The following TOPBP1 variants were observed in gnomAD, a reference collection of about 807,000 sequenced individuals.
TOPBP1 encodes the protein DNA topoisomerase II binding protein 1.
A neutral mutation model predicts 167.7 loss-of-function variants in TOPBP1; 28 were observed. The observed-to-expected ratio is 0.17, with a 90% CI of 0.12 to 0.23. TOPBP1 has a LOEUF of 0.23. TOPBP1 is among the 10% of genes least tolerant of loss of function. TOPBP1 has a pLI of 1.00. For synonymous variants in TOPBP1, 598 were observed against 611.4 expected (o/e 0.98, Z 0.32); for missense variants, 1,554 against 1,809.6 (o/e 0.86, Z 2.56).
chr3:133,653,473 T>C lies in TOPBP1; in HGVS notation c.794A>G (p.Gln265Arg), dbSNP rs1936369530. The change falls in exon 7 of 28, where the codon CAG becomes CGG. Residue 265 changes from glutamine (Q) to arginine (R), a missense_variant. This residue lies in a region of TOPBP1 where 1,197 missense variants were observed against 1,351.5 expected (regional missense o/e 0.89). Coordinates refer to ENST00000260810, the MANE Select transcript of TOPBP1 (RefSeq NM_007027.4). Reference sequence around the variant, plus strand: ...TTTCTCAATACTGTCAAAAAACCACTGTGTGGTCACACAGTGTACATTCCA... The same window carrying C: ...TTTCTCAATACTGTCAAAAAACCACCGTGTGGTCACACAGTGTACATTCCA... ...KRWNVHCVTT[Q>R]WFFDSIEKGF... 1.2e-6 allele frequency: 2 copies of C among 1,612,778 alleles called. No individual in the cohort carries two copies. The highest frequency in any genetic ancestry group is 1.7e-5 in the Admixed American group (1 of 59,764).
At chr3:133,610,683 G>T (rs1306409428) in intron 25 of TOPBP1, among the ~76,000 whole-genome samples, 3 of 150,954 alleles carry the variant, frequency 2.0e-5, no homozygotes, top group Admixed American at 2.0e-4. Context: ...TCAATTAGAG[G>T]TTAGTAAAAA....
At chr3:133,639,403 T>A (rs144673979) in intron 13 of TOPBP1, among the ~76,000 whole-genome samples, 1 of 151,960 alleles carries the variant, frequency 6.6e-6, no homozygotes, top group African/African-American at 2.4e-5. Flanking sequence ...TAGATGGGAA[T>A]TGAACAGACA....
At position 133,618,279 on chromosome 3, in the gene TOPBP1, C is replaced by G; in HGVS notation, c.3526G>C (p.Asp1176His). ...CPTQYSELQV[D>H]IQNLEDSPFQ... ...GGAGAATCCTCCAAGTTTTGAATGT[C>G]AACCTGAAGCTCAGAGTATTGTGTG... Residue 1176 changes from aspartate (D) to histidine (H), a missense_variant, in exon 21 of 28, where the codon GAC becomes CAC. By Grantham distance (81) the Asp-to-His change is moderately conservative (BLOSUM62 -1). Transcript: ENST00000260810. 1 of 1,613,966 alleles carries G rather than the reference C, an allele frequency of 6.2e-7. No individual in the cohort carries two copies. Among genetic ancestry groups the G allele is most frequent in the Non-Finnish European group, 8.5e-7 (1 of 1,179,868 alleles).
rs1278947353 is a variant in TOPBP1 at position 133,661,919 on chromosome 3, A to G, written c.-158T>C. The G allele has an allele frequency of 2.6e-5, 4 of 152,354 alleles. No homozygotes were observed. Among genetic ancestry groups the G allele is most frequent in the African/African-American group, 9.6e-5 (4 of 41,588 alleles). 9.4% of individuals were successfully genotyped at this position (152,354 alleles called of 1,614,324 possible). On this transcript the variant is annotated 5_prime_UTR_variant, in exon 1 of 28. Transcript: ENST00000260810. ...AAAGCAAACGCTGGAGAACCCGGAA[A>G]TTGCCCAGAACGGGAACCGACTTTC... is the stretch of plus-strand genomic sequence containing the variant.
chr3:133,615,074 CTTT>C (rs397874247), intron 23 of TOPBP1, among the ~76,000 whole-genome samples: 1 of 144,130 alleles, frequency 6.9e-6, no homozygotes, highest in African/African-American at 2.5e-5. Context: ...TGACATAAAT[CTTT>C]TTTTTTTTTT....
At chr3:133,624,935 A>C (rs1466844924) in intron 16 of TOPBP1, among the ~76,000 whole-genome samples, 1 of 152,178 alleles carries the variant, frequency 6.6e-6, no homozygotes, top group African/African-American at 2.4e-5. Flanking sequence ...TAACTATTAT[A>C]TTATGCTATG....
chr3:133,643,109 C>A, intron 12 of TOPBP1, 91 bp downstream of exon 12: 1 of 1,290,728 alleles, frequency 7.7e-7, no homozygotes, highest in Non-Finnish European at 1.0e-6. Flanking sequence ...ATAAAGACAC[C>A]CAACCAAATT....
intron 1 of TOPBP1, among the ~76,000 whole-genome samples, chr3:133,661,493 G>A (rs913766093): frequency 1.3e-5 from 2 of 152,198 alleles, no homozygotes; most frequent in African/African-American, 4.8e-5. Context: ...TGCGAGGTAC[G>A]TTCATCCCTC....
chr3:133,631,681 CTG>C (rs1440396512), intron 14 of TOPBP1, among the ~76,000 whole-genome samples: 1 of 152,158 alleles, frequency 6.6e-6, no homozygotes, highest in Non-Finnish European at 1.5e-5. Context: ...GAGTCTCACT[CTG>C]TTGCCCGGGC....
At position 133,656,783 on chromosome 3, in the gene TOPBP1, A is replaced by C. The variant is rs1475644053; in HGVS notation, c.438T>G (p.Leu146=). ...YRDLNVSVTH[L]IAGEVGSKKY... The stretch of plus-strand genomic sequence containing the variant: ...TTTTGCTACCAACTTCTCCTGCAAT[A>C]AGGTGAGTTACTGATACATTAAGGT... The change falls in exon 5 of 28, where the codon CTT becomes CTG. Residue 146 remains leucine, a synonymous_variant. Transcript: ENST00000260810. 1.2e-6 allele frequency: 2 copies of C among 1,613,182 alleles called. No homozygotes were observed. The highest frequency in any genetic ancestry group is 1.7e-6 in the Non-Finnish European group (2 of 1,179,634).
In TOPBP1 at chr3:133,659,106, T is replaced by C. The variant is rs745826257; in HGVS notation, c.129A>G (p.Thr43=). ...CCTTTATCTTCAATGCCTCTTCTTC[T>C]GTAATAATCTGAAGATATTCTTCTG... is the stretch of plus-strand genomic sequence containing the variant. The part of the protein sequence containing the change: ...FQSEEYLQII[T]EEEALKIKEN... Residue 43 remains threonine (T), a synonymous_variant, in exon 3 of 28, where the codon ACA becomes ACG. Coordinates refer to ENST00000260810, the MANE Select transcript of TOPBP1 (RefSeq NM_007027.4). 1 of 1,584,690 alleles carries C rather than the reference T, an allele frequency of 6.3e-7. No homozygotes were observed. The highest frequency in any genetic ancestry group is 2.3e-5 in the East Asian group (1 of 44,378).
At chr3:133,661,731 T>C (rs1936726543) in intron 1 of TOPBP1, 38 bp downstream of exon 1, 1 of 152,678 alleles carries the variant, frequency 6.5e-6, no homozygotes. Context: ...CAGTTGGGGC[T>C]GGGGAGGAGC....
chr3:133,654,444 C>T (rs903739983), intron 6 of TOPBP1, among the ~76,000 whole-genome samples: 3 of 152,148 alleles, frequency 2.0e-5, no homozygotes, highest in South Asian at 4.1e-4. Flanking sequence ...AGAGAATCAA[C>T]AATGAACTGT....
chr3:133,638,725 T>C (rs1935764530), intron 13 of TOPBP1, among the ~76,000 whole-genome samples: 1 of 152,216 alleles, frequency 6.6e-6, no homozygotes, highest in African/African-American at 2.4e-5. Context: ...AGTTTGCCCA[T>C]GGATGCTATT....
At chr3:133,642,084 G>A (rs1935906441) in intron 12 of TOPBP1, among the ~76,000 whole-genome samples, 1 of 151,980 alleles carries the variant, frequency 6.6e-6, no homozygotes, top group Non-Finnish European at 1.5e-5. Context: ...TGGTCTCCTG[G>A]GCTCAAGTAA....
intron 3 of TOPBP1, 45 bp from the exon 4 acceptor site, chr3:133,657,986 C>T: frequency 7.0e-7 from 1 of 1,421,618 alleles, no homozygotes. Flanking sequence ...AGGAAAAGAC[C>T]ACCAGTCTTA....
intron 14 of TOPBP1, among the ~76,000 whole-genome samples, chr3:133,629,887 AG>A (rs1406334983): frequency 2.0e-5 from 3 of 152,022 alleles, no homozygotes; most frequent in Admixed American, 6.6e-5. Context: ...CCTGGGTTCA[AG>A]CGATTCTCCT....
chr3:133,642,489 A>G (rs922028697), intron 12 of TOPBP1, among the ~76,000 whole-genome samples: 2 of 152,174 alleles, frequency 1.3e-5, no homozygotes, highest in African/African-American at 2.4e-5. Context: ...GGTCTTGCTG[A>G]TTATATCACT....
chr3:133,630,195 T>A (rs1451127801), intron 14 of TOPBP1, among the ~76,000 whole-genome samples: 1 of 152,184 alleles, frequency 6.6e-6, no homozygotes, highest in African/African-American at 2.4e-5. Flanking sequence ...TGTATGAATA[T>A]ACTTTTATAT....
Sources: allele counts gnomAD v4.1 joint callset (sites outside exome capture counted in the v4.1 genomes callset), GRCh38; gene constraint gnomAD v4.1.1; regional missense constraint gnomAD v4.1.1; transcripts MANE v1.5; gene names NCBI Gene and HGNC (gene_info 2026-07-23, HGNC 2026-07-21).